The following IFT172 variants were observed in gnomAD, a reference collection of about 807,000 sequenced individuals.
IFT172 encodes the protein intraflagellar transport protein 172 homolog.
IFT172 carries 164 observed loss-of-function variants against 248.9 expected under a neutral mutation model. That is an observed-to-expected ratio of 0.66 (90% confidence interval 0.58 to 0.75). The LOEUF (loss-of-function observed/expected upper bound fraction) is 0.75. Ranked by LOEUF, IFT172 falls within the 30% of genes least tolerant of loss-of-function variation. The pLI is 0.00. For synonymous variants in IFT172, 729 were observed against 791.6 expected, an observed-to-expected ratio of 0.92 and a Z score of 1.33; for missense variants, 1,950 against 2,192.4, an observed-to-expected ratio of 0.89 and a Z score of 2.21.
rs1475001446 is a variant in IFT172 at position 27,453,525 on chromosome 2, A to G, written c.3822-12T>C. On this transcript the variant is annotated splice_polypyrimidine_tract_variant and intron_variant, in intron 34 of 47. Coordinates refer to ENST00000260570, the MANE Select transcript of IFT172 (RefSeq NM_015662.3). ...ATCCCTCCACACCCCTGTGGAGATG[A>G]GAGCGCTGGGACTTGGCATGGTAGG... 2 of 1,613,266 alleles carry G rather than the reference A, an allele frequency of 1.2e-6. No homozygotes were observed. The highest frequency in any genetic ancestry group is 1.7e-6 in the Non-Finnish European group (2 of 1,179,424).
intron 30 of IFT172, among the ~76,000 whole-genome samples, chr2:27,455,580 G>A (rs1158663403): frequency 5.3e-5 from 8 of 152,076 alleles, no homozygotes; most frequent in Admixed American, 3.3e-4. Flanking sequence ...GCGTGGTGGC[G>A]GGCACCTGTA....
chr2:27,489,495 T>A (rs1330441714), intron 1 of IFT172, 120 bp downstream of exon 1: 6 of 704,066 alleles, frequency 8.5e-6, no homozygotes, highest in Non-Finnish European at 1.5e-5. Flanking sequence ...ATCCAGATCA[T>A]CGCTATATCC....
intron 7 of IFT172, among the ~76,000 whole-genome samples, chr2:27,482,482 G>A (rs1053139893): frequency 1.3e-5 from 2 of 150,110 alleles, no homozygotes; most frequent in Non-Finnish European, 3.0e-5. Context: ...TAGTAGAGAC[G>A]GGTTTCACGT....
At chr2:27,458,440 G>A (rs1420055128) in intron 26 of IFT172, among the ~76,000 whole-genome samples, 1 of 152,208 alleles carries the variant, frequency 6.6e-6, no homozygotes, top group Admixed American at 6.5e-5. Context: ...TGCCTTGGCT[G>A]GGGCATACAC....
Position 27,461,099 on chromosome 2 carries a change from A to G in IFT172, c.2443-6T>C. 1 of 1,614,094 alleles carries G rather than the reference A, an allele frequency of 6.2e-7. No individual in the cohort carries two copies. The highest frequency in any genetic ancestry group is 1.1e-5 in the South Asian group (1 of 91,076). ...TTCTCAAAGAGATCACCTGCCTGTT[A>G]ACACATACCACATTACTATGATACC... On this transcript the variant is annotated splice_region_variant and splice_polypyrimidine_tract_variant and intron_variant, in intron 22 of 47. Coordinates refer to ENST00000260570, the MANE Select transcript of IFT172 (RefSeq NM_015662.3).
intron 35 of IFT172, among the ~76,000 whole-genome samples, chr2:27,452,485 T>C (rs137889549): frequency 8.2e-4 from 125 of 152,360 alleles, no homozygotes; most frequent in Middle Eastern, 3.4e-3. Context: ...CAGTCATGCA[T>C]TGTCTAATGA....
intron 10 of IFT172, 35 bp from the exon 11 acceptor site, chr2:27,478,191 C>G: frequency 6.2e-7 from 1 of 1,611,744 alleles, no homozygotes; most frequent in South Asian, 1.1e-5. Flanking sequence ...CCTTAGGCTT[C>G]CCCAGCCCAA....
intron 26 of IFT172, among the ~76,000 whole-genome samples, chr2:27,458,561 C>T (rs995412914): frequency 1.3e-5 from 2 of 152,210 alleles, no homozygotes; most frequent in African/African-American, 4.8e-5. Flanking sequence ...CTCCCAAGCC[C>T]ATCTGCTCCT....
At chr2:27,475,130 T>C (rs1667872791) in intron 14 of IFT172, among the ~76,000 whole-genome samples, 1 of 152,186 alleles carries the variant, frequency 6.6e-6, no homozygotes, top group African/African-American at 2.4e-5. Context: ...ATGAAATTAA[T>C]ATGAGATCTA....
intron 1 of IFT172, 61 bp downstream of exon 1, chr2:27,489,554 T>C (rs184656293): frequency 1.2e-5 from 16 of 1,288,964 alleles, no homozygotes; most frequent in African/African-American, 4.4e-5. Context: ...TAAACTTCAG[T>C]TCCCCCACTT....
intron 14 of IFT172, among the ~76,000 whole-genome samples, chr2:27,475,219 ACT>A (rs1282772491): frequency 1.3e-5 from 2 of 152,204 alleles, no homozygotes; most frequent in East Asian, 1.9e-4. Flanking sequence ...GACAATAGAA[ACT>A]CTAACTGCTG....
intron 35 of IFT172, among the ~76,000 whole-genome samples, chr2:27,451,055 G>A (rs1171214738): frequency 1.3e-5 from 2 of 151,230 alleles, no homozygotes; most frequent in Admixed American, 1.3e-4. Context: ...GCCAGTGCTG[G>A]TATAGATGGT....
At chr2:27,486,314 T>C (rs1169565520) in intron 1 of IFT172, 1 of 167,066 alleles carries the variant, frequency 6.0e-6, no homozygotes, top group East Asian at 1.9e-4. Context: ...TCAGGACGAA[T>C]AATCCCACTT....
chr2:27,484,324 G>A, intron 3 of IFT172, 58 bp from the exon 4 acceptor site: 2 of 1,578,460 alleles, frequency 1.3e-6, no homozygotes, highest in Non-Finnish European at 1.7e-6. Context: ...GGGCGTGGTG[G>A]CTCATGCCTG....
In IFT172 at chr2:27,445,396, C is replaced by T. The variant is rs1276036447; in HGVS notation, c.4968G>A (p.Gln1656=). ...CCCGAGGCAGAACCTGCTCCAGCCG[C>T]TGGTCCATGGAGACTGTAAGCACCC... ...RDWVLTVSMD[Q]RLEQVLPRDE... Residue 1656 remains glutamine, a synonymous_variant, in exon 46 of 48, where the codon CAG becomes CAA. Transcript: ENST00000260570. This position sits in a 1 kb window ranked among gnomAD's most constrained non-coding sequence, Gnocchi z 4.4. 11 of 1,612,850 alleles carry T rather than the reference C, an allele frequency of 6.8e-6. No homozygotes were observed. The highest frequency in any genetic ancestry group is 9.3e-6 in the Non-Finnish European group (11 of 1,179,534).
intron 16 of IFT172, among the ~76,000 whole-genome samples, chr2:27,466,606 A>G (rs1667101400): frequency 6.6e-6 from 1 of 152,184 alleles, no homozygotes; most frequent in Admixed American, 6.6e-5. Flanking sequence ...ATTCAAAGCA[A>G]CATGAGCTCA....
intron 33 of IFT172, 56 bp from the exon 34 acceptor site, chr2:27,453,795 G>T: frequency 6.6e-7 from 1 of 1,510,856 alleles, no homozygotes. Context: ...GCTTCCCACT[G>T]CCACACAGGT....
Position 27,457,898 on chromosome 2 carries a change from G to C in IFT172, c.3054C>G (p.Arg1018=). 1 of 1,614,138 alleles carries C rather than the reference G, an allele frequency of 6.2e-7. No individual in the cohort carries two copies. Among genetic ancestry groups the C allele is most frequent in the Non-Finnish European group, 8.5e-7 (1 of 1,180,012 alleles). ...GATCTGGATGGTGCTTCCCTACCAG[G>C]CGGATCATGTCATCATACAACTTGT... ...KKHKLYDDMI[R]LVGKHHPDLL... is the part of the protein sequence containing the mutation. Residue 1018 remains arginine, a synonymous_variant, in exon 28 of 48, where the codon CGC becomes CGG. Coordinates refer to ENST00000260570, the MANE Select transcript of IFT172 (RefSeq NM_015662.3).
Position 27,481,425 on chromosome 2 carries a change from T to TCA in IFT172, c.571-167_571-166dup, listed in dbSNP as rs71401571. On this transcript the variant is annotated intron_variant, in intron 7 of 47. Coordinates refer to ENST00000260570, the MANE Select transcript of IFT172 (RefSeq NM_015662.3). The stretch of plus-strand genomic sequence containing the variant: ...CTAATCCTGAACTCTTCACAAATTG[T>TCA]CACACACACACACACACACACACAC... 0.091 allele frequency among the ~76,000 whole-genome samples: 13,183 copies of TCA among 145,066 alleles called. 579 individuals are homozygous for TCA. Among genetic ancestry groups the TCA allele is most frequent in the African/African-American group, 0.095 (3,726 of 39,284 alleles).
Sources: gnomAD v4.1 joint callset for allele counts (sites outside exome capture counted in the v4.1 genomes callset) on GRCh38, gnomAD v4.1.1 for gene constraint, Gnocchi (gnomAD v3.1) non-coding constraint, MANE v1.5 for transcripts, NCBI Gene and HGNC (gene_info 2026-07-23, HGNC 2026-07-21) for gene names.